Variants in LAMA3 observed in about 807,000 individuals in gnomAD.
LAMA3 encodes the protein laminin subunit alpha 3.
Under a neutral mutation model 402.0 loss-of-function variants are expected in LAMA3, and 281 were observed. That is an observed-to-expected ratio of 0.70 (90% CI 0.63 to 0.77). LAMA3 has a LOEUF of 0.77. Among genes scored for constraint, LAMA3 ranks in the 30% least tolerant of loss-of-function variants. The pLI is 0.00. For synonymous variants in LAMA3, 1,431 were observed against 1,558.4 expected, an observed-to-expected ratio of 0.92 and a Z score of 1.93; for missense variants, 3,840 against 4,215.5, an observed-to-expected ratio of 0.91 and a Z score of 2.47.
intron 33 of LAMA3, among the ~76,000 whole-genome samples, chr18:23,858,193 C>G (rs1480056401): frequency 6.6e-6 from 1 of 152,138 alleles, no homozygotes; most frequent in Non-Finnish European, 1.5e-5. Context: ...AGGTCTCAGA[C>G]CGCCTTAGAA....
At chr18:23,903,286 AG>A (rs1273642786) in intron 49 of LAMA3, among the ~76,000 whole-genome samples, 161 bp downstream of exon 49, 2 of 152,256 alleles carry the variant, frequency 1.3e-5, no homozygotes, top group Non-Finnish European at 2.9e-5. Context: ...CTCTTGCAAA[AG>A]AAGTATGAAT....
intron 39 of LAMA3, among the ~76,000 whole-genome samples, chr18:23,876,817 C>T (rs1320915587): frequency 6.6e-6 from 1 of 152,040 alleles, no homozygotes; most frequent in South Asian, 2.1e-4. Flanking sequence ...AAGAAAGCAG[C>T]CAGGGAGAAG....
intron 6 of LAMA3, among the ~76,000 whole-genome samples, chr18:23,756,710 ATGT>A (rs2061851479): frequency 6.6e-6 from 1 of 152,154 alleles, no homozygotes; most frequent in African/African-American, 2.4e-5. Context: ...ATCACAGTAG[ATGT>A]TGTAAGGGCC....
intron 25 of LAMA3, among the ~76,000 whole-genome samples, chr18:23,837,744 A>G (rs2144557289): frequency 6.6e-6 from 1 of 151,840 alleles, no homozygotes; most frequent in Admixed American, 6.6e-5. Context: ...AATGAATATC[A>G]CAGGGAATTT....
chr18:23,829,240 C>A (rs1485080440), intron 23 of LAMA3, among the ~76,000 whole-genome samples: 1 of 152,136 alleles, frequency 6.6e-6, no homozygotes, highest in Non-Finnish European at 1.5e-5. Flanking sequence ...AGATCATGGG[C>A]CAGTATATTT....
chr18:23,822,340 C>G lies in LAMA3; in HGVS notation c.2393C>G (p.Ala798Gly), dbSNP rs1460589436. ...ILRYVNPGTE[A>G]VSGHITIYPS... ...AGATACGTTAACCCTGGAACTGAAG[C>G]AGTATCTGGCCATATAACTATTTAT... The change falls in exon 20 of 75, where the codon GCA becomes GGA. Residue 798 changes from alanine (A) to glycine (G), a missense_variant. Around this residue, in one of 3 missense-constraint regions of LAMA3, gnomAD observed 2,109 missense variants for 2,376.0 expected, o/e 0.89. Transcript: ENST00000313654. 1 of 1,613,838 alleles carries G rather than the reference C, an allele frequency of 6.2e-7. No homozygotes were observed. Among genetic ancestry groups the G allele is most frequent in the South Asian group, 1.1e-5 (1 of 91,066 alleles).
Position 23,861,739 on chromosome 18 carries a change from C to A in LAMA3, c.4516C>A (p.Leu1506Ile), listed in dbSNP as rs1179634465. Residue 1506 changes from leucine (L) to isoleucine (I), a missense_variant, in exon 35 of 75, where the codon CTC (leucine) becomes ATC (isoleucine). Transcript: ENST00000313654. ...NPGSNSMVAD[L>I]QELPATIHSA... is the part of the protein sequence containing the mutation. ...AGGCAGCAACAGTATGGTGGCGGAT[C>A]TCCAGGAGCTGCCCGCAACCATCCA... is the stretch of plus-strand genomic sequence containing the variant. 1.2e-6 allele frequency: 2 copies of A among 1,614,012 alleles called. No individual in the cohort carries two copies. The highest frequency in any genetic ancestry group is 1.3e-5 in the African/African-American group (1 of 75,038).
At chr18:23,952,887 ACTCCCACAGGTCTAGTAT>A in intron 73 of LAMA3, 85 bp from the exon 74 acceptor site, 1 of 1,504,630 alleles carries the variant, frequency 6.6e-7, no homozygotes, top group Non-Finnish European at 9.2e-7. Flanking sequence ...TGCAAACAGC[ACTCCCACAGGTCTAGTAT>A]GAAGGAGTTA....
At position 23,846,460 on chromosome 18, in the gene LAMA3, C is replaced by T. The variant is rs1415945163; in HGVS notation, c.3883C>T (p.Gln1295Ter). Reference protein sequence around the residue: ...CPCQPNVIGRQCTRCATGHYG... With the variant: ...CPCQPNVIGR ...ATGCCAGCCCAACGTCATCGGGCGG[C>T]AGTGCACCCGCTGTGCAACAGGCCA... Residue 1295 changes from glutamine to a stop codon, truncating the protein, a stop_gained, in exon 31 of 75, where the codon CAG becomes TAG. Coordinates refer to ENST00000313654, the MANE Select transcript of LAMA3 (RefSeq NM_198129.4). LOFTEE classifies it high-confidence loss of function. 6.2e-7 allele frequency: 1 copy of T among 1,613,148 alleles called. No individual in the cohort carries two copies. The highest frequency in any genetic ancestry group is 8.5e-7 in the Non-Finnish European group (1 of 1,180,006).
chr18:23,836,169 A>T (rs1392112607), intron 24 of LAMA3, among the ~76,000 whole-genome samples: 1 of 151,988 alleles, frequency 6.6e-6, no homozygotes, highest in Non-Finnish European at 1.5e-5. Flanking sequence ...GAAAGAAAAC[A>T]ACAGTTTATT....
At chr18:23,945,719 C>T (rs1599169495) in intron 69 of LAMA3, among the ~76,000 whole-genome samples, 1 of 152,094 alleles carries the variant, frequency 6.6e-6, no homozygotes, top group African/African-American at 2.4e-5. Context: ...AGAGAAGTGC[C>T]CTCGTTCTAC....
intron 41 of LAMA3, among the ~76,000 whole-genome samples, chr18:23,887,528 GC>G (rs1203386090): frequency 6.6e-6 from 1 of 152,122 alleles, no homozygotes; most frequent in African/African-American, 2.4e-5. Context: ...AAGAAAACAA[GC>G]TATTATTTCT....
chr18:23,770,676 G>A (rs1439034632), intron 8 of LAMA3, among the ~76,000 whole-genome samples: 1 of 152,152 alleles, frequency 6.6e-6, no homozygotes, highest in African/African-American at 2.4e-5. Context: ...CAGGAGAATG[G>A]CGTGAACCCG....
intron 1 of LAMA3, among the ~76,000 whole-genome samples, chr18:23,703,501 T>C (rs2060828444): frequency 1.3e-5 from 2 of 152,128 alleles, no homozygotes; most frequent in African/African-American, 2.4e-5. Context: ...TTCAAAGGAC[T>C]CCCCCACCTA....
chr18:23,775,072 A>T (rs1482241135), intron 9 of LAMA3, among the ~76,000 whole-genome samples: 2 of 152,206 alleles, frequency 1.3e-5, no homozygotes, highest in East Asian at 3.9e-4. Flanking sequence ...AGCAAAGGAC[A>T]CCAGGATGCC....
At chr18:23,936,345 C>T (rs904133461) in intron 67 of LAMA3, among the ~76,000 whole-genome samples, 6 of 150,828 alleles carry the variant, frequency 4.0e-5, no homozygotes, top group Non-Finnish European at 7.4e-5. Context: ...CCCATTAACT[C>T]GTCATTTACA....
chr18:23,907,879 A>T lies in LAMA3; in HGVS notation c.6959A>T (p.Tyr2320Phe). ...QTDVERIKDT[Y>F]GRTQNEDFKK... ...GATGTGGAAAGAATTAAGGACACCTATGGGAGGACACAGAACGAAGACTTC... is the reference window on the plus strand; with the variant it reads ...GATGTGGAAAGAATTAAGGACACCTTTGGGAGGACACAGAACGAAGACTTC... Residue 2320 changes from tyrosine (Y) to phenylalanine (F), a missense_variant, in exon 54 of 75, where the codon TAT (tyrosine) becomes TTT (phenylalanine). This residue lies in a region of LAMA3 where 891 missense variants were observed against 857.5 expected (regional missense o/e 1.04). Transcript: ENST00000313654. 1 of 1,614,132 alleles carries T rather than the reference A, an allele frequency of 6.2e-7. No individual in the cohort carries two copies.
chr18:23,783,240 GACA>G (rs1693798773), intron 11 of LAMA3, among the ~76,000 whole-genome samples: 1 of 152,160 alleles, frequency 6.6e-6, no homozygotes, highest in African/African-American at 2.4e-5. Flanking sequence ...GAAGTTGCAT[GACA>G]ACAACACTTA....
At chr18:23,796,552 C>T (rs1378655320) in intron 12 of LAMA3, among the ~76,000 whole-genome samples, 2 of 152,232 alleles carry the variant, frequency 1.3e-5, no homozygotes, top group African/African-American at 4.8e-5. Flanking sequence ...TGAGGTCTAA[C>T]TGTAGCATTC....
Sources: allele counts gnomAD v4.1 joint callset (sites outside exome capture counted in the v4.1 genomes callset), GRCh38; gene constraint gnomAD v4.1.1; regional missense constraint gnomAD v4.1.1; transcripts MANE v1.5; gene names NCBI Gene and HGNC (gene_info 2026-07-23, HGNC 2026-07-21).